Variants in DNM3 observed in about 807,000 individuals in gnomAD.
DNM3 encodes the protein dynamin-3.
DNM3 carries 47 observed loss-of-function variants against 101.6 expected under a neutral mutation model. The ratio of observed to expected loss-of-function variants is 0.46; its 90% CI spans 0.37 to 0.59. The LOEUF (loss-of-function observed/expected upper bound fraction) is 0.59, where lower values mean the gene tolerates loss of function less well. Ranked by LOEUF, DNM3 falls within the 20% of genes least tolerant of loss-of-function variation. DNM3 has a pLI of 0.00. For missense variants in DNM3, 849 were observed against 1,085.7 expected, an observed-to-expected ratio of 0.78 and a Z score of 3.06; for synonymous variants, 385 against 387.9, an observed-to-expected ratio of 0.99 and a Z score of 0.09.
chr1:172,020,627 G>A (rs1165296848), intron 4 of DNM3, among the ~76,000 whole-genome samples: 2 of 150,818 alleles, frequency 1.3e-5, no homozygotes, highest in Non-Finnish European at 2.9e-5. Flanking sequence ...GGGAGGCTGA[G>A]GCAGGAGAAT....
chr1:171,847,665 C>T (rs2032331897), intron 1 of DNM3, among the ~76,000 whole-genome samples: 1 of 152,070 alleles, frequency 6.6e-6, no homozygotes, highest in Non-Finnish European at 1.5e-5. Flanking sequence ...GAGGTGAATT[C>T]TATTTTCCTT....
At chr1:171,870,818 G>A (rs10753205) in intron 1 of DNM3, among the ~76,000 whole-genome samples, 92,154 of 152,038 alleles carry the variant, frequency 0.61, 28,226 homozygotes, top group East Asian at 0.8. Context: ...GTCCAAAGGG[G>A]AATAATCTGT....
intron 1 of DNM3, among the ~76,000 whole-genome samples, chr1:171,920,542 G>A (rs534415876): frequency 1.3e-5 from 2 of 152,274 alleles, no homozygotes; most frequent in South Asian, 4.1e-4. Flanking sequence ...GATGGGCCTG[G>A]AACCACATTT....
At chr1:171,898,300 A>G (rs2037991884) in intron 1 of DNM3, among the ~76,000 whole-genome samples, 2 of 152,256 alleles carry the variant, frequency 1.3e-5, no homozygotes, top group South Asian at 4.1e-4. Context: ...TAATTTCACA[A>G]GTAAGCATTT....
intron 15 of DNM3, among the ~76,000 whole-genome samples, chr1:172,301,641 CA>C (rs2064455340): frequency 6.6e-6 from 1 of 151,884 alleles, no homozygotes; most frequent in African/African-American, 2.4e-5. Flanking sequence ...GATAGCAAAA[CA>C]AAAAGGAAAA....
chr1:171,859,901 G>A (rs114543465), intron 1 of DNM3, among the ~76,000 whole-genome samples: 2,184 of 152,192 alleles, frequency 0.014, 61 homozygotes, highest in African/African-American at 0.048. Flanking sequence ...CTAAGACTTC[G>A]AGGGGTCACA....
chr1:171,888,253 A>G (rs1236626201), intron 1 of DNM3, among the ~76,000 whole-genome samples: 1 of 152,176 alleles, frequency 6.6e-6, no homozygotes, highest in Non-Finnish European at 1.5e-5. Flanking sequence ...GCCAGATCTC[A>G]AGGCTATACA....
intron 2 of DNM3, among the ~76,000 whole-genome samples, chr1:171,982,994 A>G (rs2044925064): frequency 6.6e-6 from 1 of 152,038 alleles, no homozygotes; most frequent in Admixed American, 6.5e-5. Context: ...CTCCCCTCAG[A>G]CATCACTTCA....
At chr1:172,024,149 T>G (rs2048035040) in intron 4 of DNM3, among the ~76,000 whole-genome samples, 1 of 151,946 alleles carries the variant, frequency 6.6e-6, no homozygotes, top group Admixed American at 6.5e-5. Context: ...TCTGAGAATC[T>G]TTTTGGCTTT....
In DNM3 at chr1:172,018,338, A is replaced by G. The variant is rs546451892; in HGVS notation, c.590-14064A>G. ...TTAGTTGAGCATTTTATGTGATTCC[A>G]TTTTATCTTCTTTCTTAGTATATAA... On this transcript the variant is annotated intron_variant, in intron 4 of 20. Coordinates refer to ENST00000627582, the MANE Select transcript of DNM3 (RefSeq NM_015569.5). Among the ~76,000 whole-genome samples the G allele has an allele frequency of 3.7e-4, 57 of 152,024 alleles. 2 individuals are homozygous for G. In the South Asian group the frequency reaches 0.011, roughly 29 times the overall value.
intron 15 of DNM3, among the ~76,000 whole-genome samples, chr1:172,286,068 T>TATATATA (rs2063686186): frequency 1.4e-5 from 2 of 147,454 alleles, no homozygotes; most frequent in African/African-American, 5.0e-5. Flanking sequence ...AGTGAGTTAT[T>TATATATA]TATATATATA....
At chr1:172,257,027 A>C (rs1029445958) in intron 15 of DNM3, among the ~76,000 whole-genome samples, 3 of 152,010 alleles carry the variant, frequency 2.0e-5, no homozygotes, top group Admixed American at 2.0e-4. Flanking sequence ...GGTCTAGTAC[A>C]TGATGTTAAT....
chr1:172,095,011 CA>C (rs2054153826), intron 13 of DNM3, among the ~76,000 whole-genome samples: 1 of 152,184 alleles, frequency 6.6e-6, no homozygotes, highest in African/African-American at 2.4e-5. Flanking sequence ...ATGCTCAAAT[CA>C]TGCTAATTGT....
intron 2 of DNM3, among the ~76,000 whole-genome samples, chr1:171,969,377 TAGTC>T (rs1558345549): frequency 6.6e-6 from 1 of 152,126 alleles, no homozygotes; most frequent in Non-Finnish European, 1.5e-5. Flanking sequence ...TGATAAATCA[TAGTC>T]AGGATGAAGT....
At position 172,412,041 on chromosome 1, in the gene DNM3, T is replaced by TTGTG. The variant is rs35335757; in HGVS notation, c.*4214_*4217dup. On this transcript the variant is annotated 3_prime_UTR_variant, in exon 21 of 21. Transcript: ENST00000627582. ...GCATATGTAATATATGCACTGCTAT[T>TTGTG]TGTGTGTGTGTGTGTGTCTTTGTAT... The TTGTG allele has an allele frequency of 2.8e-4, 265 of 962,848 alleles. No homozygotes were observed. The highest frequency in any genetic ancestry group is 2.1e-3 in the African/African-American group (119 of 56,870). 59.6% of individuals were successfully genotyped at this position (962,848 alleles called of 1,614,324 possible). A position where few individuals can be genotyped will look rare whatever the true frequency, so the allele number is the denominator to read the frequency against.
chr1:172,198,716 G>A (rs940803368), intron 14 of DNM3, among the ~76,000 whole-genome samples: 5 of 151,850 alleles, frequency 3.3e-5, no homozygotes, highest in African/African-American at 2.4e-5. Flanking sequence ...GTTAGTAGTC[G>A]TTTCTGATGG....
chr1:171,905,390 G>C (rs1409805634), intron 1 of DNM3, among the ~76,000 whole-genome samples: 3 of 152,152 alleles, frequency 2.0e-5, no homozygotes, highest in African/African-American at 7.2e-5. Flanking sequence ...GTGATATAGA[G>C]ATATTGCCTG....
At chr1:171,977,998 A>AT (rs907647692) in intron 2 of DNM3, among the ~76,000 whole-genome samples, 25 of 151,856 alleles carry the variant, frequency 1.6e-4, no homozygotes, top group African/African-American at 5.6e-4. Flanking sequence ...ATTTATAATC[A>AT]TTTTTTTTCC....
intron 14 of DNM3, among the ~76,000 whole-genome samples, chr1:172,147,476 T>C (rs2057956957): frequency 6.6e-6 from 1 of 152,120 alleles, no homozygotes; most frequent in South Asian, 2.1e-4. Flanking sequence ...AATCAATAGA[T>C]GGTTTTGGGT....
Sources: allele counts gnomAD v4.1 joint callset (sites outside exome capture counted in the v4.1 genomes callset), GRCh38; gene constraint gnomAD v4.1.1; transcripts MANE v1.5; gene names NCBI Gene and HGNC (gene_info 2026-07-23, HGNC 2026-07-21).